FAAH2: variants seen among roughly 807,000 people sequenced by gnomAD.
The protein encoded by FAAH2 is fatty-acid amide hydrolase 2.
FAAH2 carries 60 observed loss-of-function variants against 36.9 expected under a neutral mutation model. The ratio of observed to expected loss-of-function variants is 1.63; its 90% CI spans 1.32 to 2.02. FAAH2 has a LOEUF of 2.02. Among genes scored for constraint, FAAH2 ranks in the 30% most tolerant of loss-of-function variants. The pLI is 0.00. For synonymous variants in FAAH2, 214 were observed against 143.8 expected (o/e 1.49, Z -3.49); for missense variants, 689 against 397.5 (o/e 1.73, Z -6.23).
At chrX:57,374,550 A>C (rs932360305) in intron 5 of FAAH2, among the ~76,000 whole-genome samples, 1 of 111,943 alleles carries the variant, frequency 8.9e-6, no homozygotes, top group Admixed American at 9.5e-5. Flanking sequence ...ATTTGTGTAC[A>C]TTAATTTCGT....
chrX:57,135,718 T>C, the FAAH2 span: 1 of 1,140,300 alleles, frequency 8.8e-7, no homozygotes, highest in Non-Finnish European at 1.2e-6. Context: ...TGTTTAGTTA[T>C]CAGGGATTCC....
the FAAH2 span, among the ~76,000 whole-genome samples, chrX:57,248,995 T>C: frequency 2.7e-5 from 3 of 109,947 alleles, no homozygotes; most frequent in East Asian, 5.7e-4. Flanking sequence ...TTTTGCACTT[T>C]TATGAAAAAT....
At chrX:57,338,996 G>A (rs749147596) in intron 4 of FAAH2, among the ~76,000 whole-genome samples, 1 of 110,933 alleles carries the variant, frequency 9.0e-6, no homozygotes, top group Non-Finnish European at 1.9e-5. Context: ...TGGCATCATG[G>A]TACCCAACTT....
intron 8 of FAAH2, among the ~76,000 whole-genome samples, chrX:57,439,577 T>G (rs1351059888): frequency 2.7e-5 from 3 of 111,846 alleles, no homozygotes; most frequent in Non-Finnish European, 5.6e-5. Context: ...TGGTAGTTTC[T>G]TTTGCTGTGC....
chrX:57,185,535 CGTGTATGTGTGTGT>C, the FAAH2 span, among the ~76,000 whole-genome samples: 1 of 99,716 alleles, frequency 1.0e-5, no homozygotes, highest in Non-Finnish European at 2.1e-5. Context: ...TTCGTGTGTG[CGTGTATGTGTGTGT>C]GCGTGTTTTA....
chrX:57,456,723 C>A (rs1287725270), intron 10 of FAAH2, among the ~76,000 whole-genome samples: 1 of 111,356 alleles, frequency 9.0e-6, no homozygotes, highest in Admixed American at 9.6e-5. Context: ...AAACACACAA[C>A]CTTCCAAGAT....
the FAAH2 span, among the ~76,000 whole-genome samples, chrX:57,214,239 T>A: frequency 8.9e-6 from 1 of 111,908 alleles, no homozygotes; most frequent in Non-Finnish European, 1.9e-5. Context: ...GTTTGTTATT[T>A]TTATCCTTTA....
At chrX:57,420,491 G>A (rs1216015448) in intron 7 of FAAH2, among the ~76,000 whole-genome samples, 2 of 111,613 alleles carry the variant, frequency 1.8e-5, no homozygotes, top group Admixed American at 9.5e-5. Flanking sequence ...AATTGTGAAT[G>A]GGTGTTCACT....
At chrX:57,376,658 G>C (rs2054687694) in intron 5 of FAAH2, among the ~76,000 whole-genome samples, 1 of 111,877 alleles carries the variant, frequency 8.9e-6, no homozygotes, top group South Asian at 3.7e-4. Context: ...ATAATTCTTT[G>C]GGTATAAAAC....
chrX:57,448,508 T>C lies in FAAH2; in HGVS notation c.1229-16T>C, dbSNP rs756017328. 8.4e-6 allele frequency: 10 copies of C among 1,189,259 alleles called. No individual in the cohort carries two copies. The highest frequency in any genetic ancestry group is 3.7e-5 in the South Asian group (2 of 54,752). On this transcript the variant is annotated splice_polypyrimidine_tract_variant and intron_variant, in intron 9 of 10. Transcript: ENST00000374900. ...AAGTTTATTACCTTAACTTGATATATGATATCATTCTGTAGGACTGGCTTT... is the reference window on the plus strand; with the variant it reads ...AAGTTTATTACCTTAACTTGATATACGATATCATTCTGTAGGACTGGCTTT...
intron 10 of FAAH2, among the ~76,000 whole-genome samples, chrX:57,462,685 A>T (rs2056982119): frequency 8.9e-6 from 1 of 112,682 alleles, no homozygotes; most frequent in Non-Finnish European, 1.9e-5. Context: ...ATTTATGATA[A>T]ACCCATAGCC....
chrX:57,190,975 C>G, the FAAH2 span, among the ~76,000 whole-genome samples: 1 of 111,600 alleles, frequency 9.0e-6, no homozygotes, highest in East Asian at 2.8e-4. Context: ...TTTTAGTATA[C>G]TGATGTCCTT....
At chrX:57,166,073 C>T in the FAAH2 span, among the ~76,000 whole-genome samples, 1 of 110,660 alleles carries the variant, frequency 9.0e-6, no homozygotes, top group Non-Finnish European at 1.9e-5. Flanking sequence ...CAGGCATCAG[C>T]AACCACCGAC....
intron 5 of FAAH2, among the ~76,000 whole-genome samples, chrX:57,352,726 CAAAAATATTTAAATTTGATAAATGA>C (rs1430339972): frequency 1.8e-5 from 2 of 110,549 alleles, no homozygotes; most frequent in Non-Finnish European, 3.8e-5. Context: ...AGAACTTCAC[CAAAAATATTTAAATTTGATAAATGA>C]ATTCAGGAAA....
the FAAH2 span, among the ~76,000 whole-genome samples, chrX:57,130,864 C>T: frequency 8.9e-6 from 1 of 112,216 alleles, no homozygotes; most frequent in African/African-American, 3.2e-5. Flanking sequence ...TAACCTCTAA[C>T]TACAATACAT....
chrX:57,405,631 A>G (rs1226874956), intron 7 of FAAH2, among the ~76,000 whole-genome samples: 1 of 106,296 alleles, frequency 9.4e-6, no homozygotes, highest in African/African-American at 3.5e-5. Flanking sequence ...CCCATAAAAT[A>G]GGAGGGGGCC....
chrX:57,202,005 T>C, the FAAH2 span, among the ~76,000 whole-genome samples: 1 of 112,218 alleles, frequency 8.9e-6, no homozygotes, highest in South Asian at 3.7e-4. Context: ...TAAATCTCTT[T>C]GTTAAGTTTT....
At chrX:57,234,030 G>T in the FAAH2 span, among the ~76,000 whole-genome samples, 1 of 112,668 alleles carries the variant, frequency 8.9e-6, no homozygotes, top group South Asian at 3.6e-4. Context: ...ATTTAAATTT[G>T]AACTTTGGAT....
chrX:57,296,591 A>C (rs1043879914), intron 2 of FAAH2, among the ~76,000 whole-genome samples: 1 of 112,115 alleles, frequency 8.9e-6, no homozygotes, highest in African/African-American at 3.2e-5. Context: ...CAATGCAACA[A>C]AGCTGGATGG....
Sources: allele counts gnomAD v4.1 joint callset (sites outside exome capture counted in the v4.1 genomes callset), GRCh38; gene constraint gnomAD v4.1.1; transcripts MANE v1.5; gene names NCBI Gene and HGNC (gene_info 2026-07-23, HGNC 2026-07-21).